The following CCDC186 variants were observed in gnomAD, a reference collection of about 807,000 sequenced individuals.
CCDC186 encodes coiled-coil domain-containing protein 186.
Under a neutral mutation model 113.7 loss-of-function variants are expected in CCDC186, and 49 were observed. The observed-to-expected ratio is 0.43, with a 90% CI of 0.34 to 0.55. The LOEUF is 0.55. CCDC186 is among the 20% of genes least tolerant of loss of function. CCDC186 has a pLI of 0.02. For synonymous variants in CCDC186, 355 were observed against 345.8 expected, an observed-to-expected ratio of 1.03 and a Z score of -0.30; for missense variants, 890 against 1,011.1, an observed-to-expected ratio of 0.88 and a Z score of 1.62.
chr10:114,132,573 G>T (rs2031122146), intron 10 of CCDC186, among the ~76,000 whole-genome samples: 1 of 152,154 alleles, frequency 6.6e-6, no homozygotes, highest in Admixed American at 6.5e-5. Flanking sequence ...TGGTTTTGCT[G>T]CAATTGTTCC....
At chr10:114,149,770 A>C (rs536773237) in intron 4 of CCDC186, among the ~76,000 whole-genome samples, 155 of 54,220 alleles carry the variant, frequency 2.9e-3, no homozygotes, top group Middle Eastern at 8.5e-3. Context: ...GGAAGGAAGG[A>C]AGGAAGGCAG....
rs1205842064 is a variant in CCDC186 at position 114,122,595 on chromosome 10, C to T, written c.*2548G>A. Reference sequence around the variant, plus strand: ...TGAACATATAAAACAAACTTCCCCCCAGGTCTCAGATTTATCCAGATCATT... The same window carrying T: ...TGAACATATAAAACAAACTTCCCCCTAGGTCTCAGATTTATCCAGATCATT... On this transcript the variant is annotated 3_prime_UTR_variant, in exon 16 of 16. Transcript: ENST00000369287. The T allele has an allele frequency of 6.6e-6, 1 of 152,152 alleles. No homozygotes were observed. 9.4% of individuals were successfully genotyped at this position (152,152 alleles called of 1,614,324 possible).
chr10:114,130,766 T>G (rs545355604), intron 12 of CCDC186: 2 of 155,378 alleles, frequency 1.3e-5, no homozygotes, highest in Non-Finnish European at 2.8e-5. Flanking sequence ...TAAATTTCTA[T>G]TTTTCATATG....
chr10:114,128,068 T>G (rs1175317752), intron 13 of CCDC186, among the ~76,000 whole-genome samples: 1 of 152,196 alleles, frequency 6.6e-6, no homozygotes, highest in African/African-American at 2.4e-5. Context: ...TAGGTTCAAA[T>G]ACTACTCCTC....
At chr10:114,144,978 A>G (rs2031590293) in intron 5 of CCDC186, among the ~76,000 whole-genome samples, 1 of 152,156 alleles carries the variant, frequency 6.6e-6, no homozygotes. Flanking sequence ...ATGAATTAAA[A>G]AAAAATTTAT....
At chr10:114,136,083 T>A in intron 8 of CCDC186, 65 bp downstream of exon 8, 1 of 1,509,218 alleles carries the variant, frequency 6.6e-7, no homozygotes, top group South Asian at 1.1e-5. Context: ...AGCAATAAGT[T>A]CTCACTATTT....
intron 4 of CCDC186, among the ~76,000 whole-genome samples, chr10:114,150,779 G>C (rs901942734): frequency 2.6e-5 from 4 of 152,106 alleles, no homozygotes. Context: ...CTCCCAAGTA[G>C]CTGGGACTAC....
intron 1 of CCDC186, among the ~76,000 whole-genome samples, chr10:114,172,737 G>A (rs1361630538): frequency 6.6e-6 from 1 of 152,122 alleles, no homozygotes; most frequent in Non-Finnish European, 1.5e-5. Flanking sequence ...AAAATAACAT[G>A]AAAAGACCAG....
intron 1 of CCDC186, among the ~76,000 whole-genome samples, chr10:114,164,294 G>A (rs1444832967): frequency 4.0e-5 from 6 of 150,880 alleles, no homozygotes; most frequent in African/African-American, 1.5e-4. Context: ...CTAATTTTTT[G>A]TATTTTTAGG....
In CCDC186 at chr10:114,131,130, G is replaced by A. The variant is rs1308373757; in HGVS notation, c.2101+17C>T. On this transcript the variant is annotated intron_variant, in intron 12 of 15. Coordinates refer to ENST00000369287, the MANE Select transcript of CCDC186 (RefSeq NM_018017.4). ...AAACAAACACATTCATGGTCTAAGT[G>A]TGGAAGAATTTTATACCTTGCTGAA... 6.8e-7 allele frequency: 1 copy of A among 1,461,530 alleles called. No individual in the cohort carries two copies. Among genetic ancestry groups the A allele is most frequent in the East Asian group, 2.6e-5 (1 of 38,552 alleles). 90.5% of individuals were successfully genotyped at this position (1,461,530 alleles called of 1,614,324 possible). A position where few individuals can be genotyped will look rare whatever the true frequency, so the allele number is the denominator to read the frequency against.
intron 6 of CCDC186, among the ~76,000 whole-genome samples, chr10:114,143,191 C>T (rs550032109): frequency 3.3e-5 from 5 of 152,322 alleles, no homozygotes; most frequent in African/African-American, 9.6e-5. Context: ...AACCTATTTA[C>T]AGACTACCTG....
Position 114,163,310 on chromosome 10 carries a change from T to G in CCDC186, c.-42A>C. 3 of 1,561,440 alleles carry G rather than the reference T, an allele frequency of 1.9e-6. No homozygotes were observed. Among genetic ancestry groups the G allele is most frequent in the Non-Finnish European group, 2.6e-6 (3 of 1,164,042 alleles). On this transcript the variant is annotated 5_prime_UTR_variant, in exon 2 of 16. Transcript: ENST00000369287. Reference sequence around the variant, plus strand: ...TCACTTTGTAATTCTTCAAATCTGCTCCTGATCTTCGTTTTACATCTAAGA... The same window carrying G: ...TCACTTTGTAATTCTTCAAATCTGCGCCTGATCTTCGTTTTACATCTAAGA...
chr10:114,126,146 AT>A (rs1564903610), intron 14 of CCDC186, 41 bp from the exon 15 acceptor site: 1 of 1,520,904 alleles, frequency 6.6e-7, no homozygotes, highest in Admixed American at 1.8e-5. Flanking sequence ...TACTTGTAGA[AT>A]TAAAAAAAAT....
At chr10:114,166,636 TCTA>T (rs1231814859) in intron 1 of CCDC186, among the ~76,000 whole-genome samples, 1 of 152,234 alleles carries the variant, frequency 6.6e-6, no homozygotes, top group Non-Finnish European at 1.5e-5. Flanking sequence ...AAACATATTC[TCTA>T]CTACATTTAC....
At chr10:114,159,468 C>T (rs2032101350) in intron 2 of CCDC186, among the ~76,000 whole-genome samples, 1 of 151,682 alleles carries the variant, frequency 6.6e-6, no homozygotes, top group Non-Finnish European at 1.5e-5. Context: ...CATGGTGAAA[C>T]CCCGTCTCTA....
At chr10:114,131,826 T>C in intron 11 of CCDC186, 103 bp downstream of exon 11, 3 of 989,626 alleles carry the variant, frequency 3.0e-6, no homozygotes, top group Non-Finnish European at 4.1e-6. Context: ...AAAGTCAGTG[T>C]CCAGGAAAGA....
At chr10:114,159,974 A>C (rs1564916927) in intron 2 of CCDC186, among the ~76,000 whole-genome samples, 1 of 152,036 alleles carries the variant, frequency 6.6e-6, no homozygotes, top group Non-Finnish European at 1.5e-5. Context: ...AAAAAATAAA[A>C]TAAAGAATTT....
chr10:114,146,661 C>A (rs2031649061), intron 4 of CCDC186, among the ~76,000 whole-genome samples: 1 of 152,164 alleles, frequency 6.6e-6, no homozygotes, highest in Admixed American at 6.5e-5. Flanking sequence ...TACAAATAGT[C>A]CTTCTTTGAA....
intron 13 of CCDC186, among the ~76,000 whole-genome samples, chr10:114,129,385 A>C: frequency 6.6e-6 from 1 of 152,018 alleles, no homozygotes; most frequent in South Asian, 2.1e-4. Flanking sequence ...CATCACATAG[A>C]ACCCCATGAC....
Sources: allele counts gnomAD v4.1 joint callset (sites outside exome capture counted in the v4.1 genomes callset), GRCh38; gene constraint gnomAD v4.1.1; transcripts MANE v1.5; gene names NCBI Gene and HGNC (gene_info 2026-07-23, HGNC 2026-07-21).